Variants in SECISBP2L observed in about 807,000 individuals in gnomAD.
The protein encoded by SECISBP2L is selenocysteine insertion sequence-binding protein 2-like.
SECISBP2L carries 43 observed loss-of-function variants against 114.7 expected under a neutral mutation model. The ratio of observed to expected loss-of-function variants is 0.38; its 90% CI spans 0.29 to 0.48. SECISBP2L has a LOEUF of 0.48. SECISBP2L is among the 20% of genes least tolerant of loss of function. The pLI is 0.98. For synonymous variants in SECISBP2L, 451 were observed against 439.7 expected (o/e 1.03, Z -0.32); for missense variants, 1,136 against 1,301.1 (o/e 0.87, Z 1.95).
chr15:48,996,061 A>G (rs1254698102), intron 17 of SECISBP2L: 1 of 288,838 alleles, frequency 3.5e-6, no homozygotes, highest in East Asian at 8.7e-5. Context: ...AGCATAAAGT[A>G]TTGGAATAAA....
chr15:49,000,020 T>G, intron 15 of SECISBP2L, 33 bp from the exon 16 acceptor site: 1 of 1,608,672 alleles, frequency 6.2e-7, no homozygotes, highest in Non-Finnish European at 8.5e-7. Flanking sequence ...ACGCCTTTAG[T>G]TGTTGCCTAC....
chr15:49,037,859 T>C, intron 1 of SECISBP2L, 90 bp from the exon 2 acceptor site: 1 of 1,052,826 alleles, frequency 9.5e-7, no homozygotes, highest in East Asian at 2.6e-5. Context: ...TCAGTCCTTA[T>C]AAACAGTAAT....
intron 14 of SECISBP2L, among the ~76,000 whole-genome samples, chr15:49,005,045 A>G (rs1902288224): frequency 6.6e-6 from 1 of 152,168 alleles, no homozygotes; most frequent in East Asian, 1.9e-4. Context: ...GTCTCCCACT[A>G]TTGGCTGGGC....
intron 1 of SECISBP2L, 23 bp from the exon 2 acceptor site, chr15:49,037,792 A>T: frequency 6.4e-7 from 1 of 1,565,974 alleles, no homozygotes; most frequent in South Asian, 1.2e-5. Flanking sequence ...AGTAGAATAC[A>T]TTAATAACAA....
At chr15:49,003,616 A>G (rs1902255526) in intron 14 of SECISBP2L, among the ~76,000 whole-genome samples, 1 of 152,204 alleles carries the variant, frequency 6.6e-6, no homozygotes, top group Admixed American at 6.5e-5. Flanking sequence ...ACACTCCATC[A>G]ATACCTAGTT....
rs918861328 is a variant in SECISBP2L at position 49,009,106 on chromosome 15, C to T, written c.2027+110G>A. On this transcript the variant is annotated intron_variant, in intron 14 of 17. Transcript: ENST00000559471. ...ACAAAATCCGAAAGGAGTTAAAGAT[C>T]TCTGGTCTTTTGTCTGCTTGACTCA... 2.1e-5 allele frequency: 25 copies of T among 1,183,226 alleles called. No homozygotes were observed. The African/African-American group carries it at 3.4e-4, about 16-fold the overall frequency. 73.3% of individuals were successfully genotyped at this position (1,183,226 alleles called of 1,614,324 possible).
intron 2 of SECISBP2L, among the ~76,000 whole-genome samples, chr15:49,036,752 T>C (rs556880596): frequency 6.6e-6 from 1 of 152,216 alleles, no homozygotes; most frequent in Non-Finnish European, 1.5e-5. Context: ...AGTAGTTGAA[T>C]GGCCTTATAT....
rs766760521 is a variant in SECISBP2L at position 48,996,396 on chromosome 15, G to T, written c.2594C>A (p.Pro865Gln). 1 of 1,613,912 alleles carries T rather than the reference G, an allele frequency of 6.2e-7. No homozygotes were observed. The highest frequency in any genetic ancestry group is 8.5e-7 in the Non-Finnish European group (1 of 1,179,952). The change falls in exon 17 of 18, where the codon CCG becomes CAG. Residue 865 changes from proline (P) to glutamine (Q), a missense_variant. Pro to Gln is a moderately conservative substitution (Grantham distance 76, BLOSUM62 -1). Coordinates refer to ENST00000559471, the MANE Select transcript of SECISBP2L (RefSeq NM_001193489.2). ...TTCCTTTTCATTTACTTCAGAGATC[G>T]GTTCAGAAATAACACTGCAGAAAGA... ...AISFCSVISE[P>Q]ISEVNEKEYE... is the part of the protein sequence containing the mutation.
intron 16 of SECISBP2L, among the ~76,000 whole-genome samples, chr15:48,996,897 T>A (rs1296756022): frequency 6.6e-6 from 1 of 152,144 alleles, no homozygotes; most frequent in Non-Finnish European, 1.5e-5. Context: ...CTACAGAGGG[T>A]ACAAAGATGA....
chr15:49,022,153 T>G (rs1303722785), intron 7 of SECISBP2L, among the ~76,000 whole-genome samples: 1 of 152,210 alleles, frequency 6.6e-6, no homozygotes, highest in Admixed American at 6.5e-5. Context: ...GGTCTCATTC[T>G]GTCACCCAGG....
chr15:49,005,121 G>C (rs1902289901), intron 14 of SECISBP2L, among the ~76,000 whole-genome samples: 1 of 152,186 alleles, frequency 6.6e-6, no homozygotes, highest in Admixed American at 6.5e-5. Context: ...CCTGAGGTCA[G>C]AACTTTGAGA....
intron 6 of SECISBP2L, 52 bp from the exon 7 acceptor site, chr15:49,027,532 C>A: frequency 9.2e-7 from 1 of 1,092,148 alleles, no homozygotes; most frequent in African/African-American, 1.6e-5. Flanking sequence ...GGTAGGAAAA[C>A]CTAAATTGAC....
rs995948554 is a variant in SECISBP2L at position 48,990,968 on chromosome 15, G to A, written c.*1276C>T. On this transcript the variant is annotated 3_prime_UTR_variant, in exon 18 of 18. Transcript: ENST00000559471. The stretch of plus-strand genomic sequence containing the variant: ...GTAAAGTCACTGAAGTCCAGGTGGT[G>A]ACTGACTAGCAAATAAAACATTTAG... The A allele has an allele frequency of 6.6e-6, 1 of 152,140 alleles. No homozygotes were observed. The highest frequency in any genetic ancestry group is 1.5e-5 in the Non-Finnish European group (1 of 68,038). 9.4% of individuals were successfully genotyped at this position (152,140 alleles called of 1,614,324 possible).
chr15:49,023,221 T>A (rs1391279726), intron 7 of SECISBP2L, among the ~76,000 whole-genome samples: 2 of 152,152 alleles, frequency 1.3e-5, no homozygotes, highest in East Asian at 3.8e-4. Flanking sequence ...GATAAAAACT[T>A]GATCAAACTG....
chr15:49,015,757 T>G (rs1325266326), intron 11 of SECISBP2L, among the ~76,000 whole-genome samples: 2 of 152,256 alleles, frequency 1.3e-5, no homozygotes, highest in African/African-American at 4.8e-5. Flanking sequence ...AACCCTTGTA[T>G]GCAACTGAGT....
chr15:48,996,658 A>G lies in SECISBP2L; in HGVS notation c.2404-72T>C, dbSNP rs1212425338. ...TTTATTCCTATTATGGATAATAAAT[A>G]TCTCTACTGTTTGTTTCAGGGTCAG... On this transcript the variant is annotated intron_variant, in intron 16 of 17. Coordinates refer to ENST00000559471, the MANE Select transcript of SECISBP2L (RefSeq NM_001193489.2). 52 of 1,332,346 alleles carry G rather than the reference A, an allele frequency of 3.9e-5. 1 individual carries two copies. In the Admixed American group the frequency reaches 1.0e-3, roughly 27 times the overall value. 82.5% of individuals were successfully genotyped at this position (1,332,346 alleles called of 1,614,324 possible). A position where few individuals can be genotyped will look rare whatever the true frequency, so the allele number is the denominator to read the frequency against.
Position 48,990,490 on chromosome 15 carries a change from G to C in SECISBP2L, c.*1754C>G, listed in dbSNP as rs1276593446. On this transcript the variant is annotated 3_prime_UTR_variant, in exon 18 of 18. Coordinates refer to ENST00000559471, the MANE Select transcript of SECISBP2L (RefSeq NM_001193489.2). ...TAGTGCCTAGGAAGTCTATACTGGAGAACAGTTTAGACAGGACAGTATAAG... is the reference window on the plus strand; with the variant it reads ...TAGTGCCTAGGAAGTCTATACTGGACAACAGTTTAGACAGGACAGTATAAG... 1 of 152,430 alleles carries C rather than the reference G, an allele frequency of 6.6e-6. No homozygotes were observed. Among genetic ancestry groups the C allele is most frequent in the East Asian group, 1.9e-4 (1 of 5,182 alleles). The allele number at this position is 152,430 out of a possible 1,614,324, so 9.4% of individuals were successfully genotyped here.
chr15:49,033,690 C>A (rs1381043551), intron 3 of SECISBP2L, among the ~76,000 whole-genome samples: 1 of 151,698 alleles, frequency 6.6e-6, no homozygotes, highest in Admixed American at 6.6e-5. Flanking sequence ...AACAAACAAA[C>A]AAAAAAACAA....
At chr15:48,993,878 A>G (rs1324253616) in intron 17 of SECISBP2L, among the ~76,000 whole-genome samples, 2 of 152,256 alleles carry the variant, frequency 1.3e-5, no homozygotes, top group East Asian at 1.9e-4. Flanking sequence ...TAAAAATTCT[A>G]TCATATTGAC....
Sources: gnomAD v4.1 joint callset for allele counts (sites outside exome capture counted in the v4.1 genomes callset) on GRCh38, gnomAD v4.1.1 for gene constraint, MANE v1.5 for transcripts, NCBI Gene and HGNC (gene_info 2026-07-23, HGNC 2026-07-21) for gene names.